TSHR: variants seen among roughly 807,000 people sequenced by gnomAD.
TSHR encodes the protein thyroid stimulating hormone receptor.
In TSHR, 51 loss-of-function variants were observed where a neutral mutation model predicts 64.1. The ratio of observed to expected loss-of-function variants is 0.80; its 90% CI spans 0.64 to 1.01. The LOEUF is 1.01. Among genes scored for constraint, TSHR ranks in the 50% least tolerant of loss-of-function variants. TSHR has a pLI of 0.00. For synonymous variants in TSHR, 361 were observed against 361.9 expected (o/e 1.00, Z 0.03); for missense variants, 877 against 942.8 (o/e 0.93, Z 0.91).
rs1224492402 is a variant in TSHR, at chr14:81,144,704, T to C, written c.*351T>C. The C allele has an allele frequency of 6.9e-6, 2 of 289,492 alleles. No individual in the cohort carries two copies. The highest frequency in any genetic ancestry group is 1.3e-5 in the Non-Finnish European group (2 of 153,686). 17.9% of individuals were successfully genotyped at this position (289,492 alleles called of 1,614,324 possible). The stretch of plus-strand genomic sequence containing the variant: ...CAATATAGAGCTTCTCAGTTTTGTA[T>C]AACATTTCATACTAAAGATTCAGCA... On this transcript the variant is annotated 3_prime_UTR_variant, in exon 10 of 10. Transcript: ENST00000298171.
intron 1 of TSHR, among the ~76,000 whole-genome samples, chr14:81,036,863 C>T (rs1216874635): frequency 3.3e-5 from 5 of 152,032 alleles, no homozygotes; most frequent in African/African-American, 9.7e-5. Flanking sequence ...GTGGGGGAGG[C>T]CAGGTGCAGT....
At chr14:81,127,603 C>A (rs1361391682) in intron 8 of TSHR, among the ~76,000 whole-genome samples, 1 of 152,078 alleles carries the variant, frequency 6.6e-6, no homozygotes, top group Admixed American at 6.5e-5. Context: ...GTGGGAGGGA[C>A]CCAGTGGGAG....
chr14:80,965,523 T>G (rs879320628), intron 1 of TSHR, among the ~76,000 whole-genome samples: 77 of 152,332 alleles, frequency 5.1e-4, no homozygotes, highest in African/African-American at 1.7e-3. Flanking sequence ...TTTTTTCAAG[T>G]TTCTAATGCC....
intron 7 of TSHR, among the ~76,000 whole-genome samples, chr14:81,101,869 TATTCTCATTA>T (rs1030969864): frequency 2.6e-4 from 39 of 152,220 alleles, no homozygotes; most frequent in African/African-American, 5.5e-4. Flanking sequence ...GAAAGGATTT[TATTCTCATTA>T]AAACTAAGCA....
chr14:81,000,604 CA>C (rs1889259839), intron 1 of TSHR, among the ~76,000 whole-genome samples: 1 of 152,134 alleles, frequency 6.6e-6, no homozygotes, highest in African/African-American at 2.4e-5. Context: ...GGGTCGCAGT[CA>C]GACTCCCATT....
intron 9 of TSHR, among the ~76,000 whole-genome samples, chr14:81,142,583 T>C (rs1891735502): frequency 6.7e-6 from 1 of 150,290 alleles, no homozygotes. Context: ...GTGGGAACCA[T>C]TCGTGGGTTT....
intron 6 of TSHR, among the ~76,000 whole-genome samples, chr14:81,092,949 G>A (rs1045943572): frequency 1.3e-5 from 2 of 152,156 alleles, no homozygotes; most frequent in African/African-American, 4.8e-5. Context: ...ATACACTAAT[G>A]AGCATGTCTG....
intron 3 of TSHR, among the ~76,000 whole-genome samples, chr14:81,082,754 TCTGACATCATCTAA>T (rs2139951223): frequency 1.3e-5 from 2 of 152,348 alleles, no homozygotes; most frequent in Non-Finnish European, 2.9e-5. Context: ...CAGCTTCTCT[TCTGACATCATCTAA>T]CTGAGTCTTC....
intron 8 of TSHR, among the ~76,000 whole-genome samples, chr14:81,122,444 T>G (rs1285492161): frequency 6.6e-6 from 1 of 150,584 alleles, no homozygotes; most frequent in Non-Finnish European, 1.5e-5. Context: ...GATGGACATC[T>G]TATGAAAAAA....
At chr14:80,975,700 A>G (rs976022038) in intron 1 of TSHR, among the ~76,000 whole-genome samples, 1 of 152,190 alleles carries the variant, frequency 6.6e-6, no homozygotes, top group African/African-American at 2.4e-5. Flanking sequence ...AATCCAAAGG[A>G]CATTTTAGAT....
Position 81,094,679 on chromosome 14 carries a change from A to ATTTTTTTTTTTTTTTTTTTTTTTTTTTT in TSHR, c.546-1936_546-1935insTTTTTTTTTTTTTTTTTTTTTTTTTTTT, listed in dbSNP as rs1162262371. ...CTCCTTTTATTTATTTATTTTTTTA[A>ATTTTTTTTTTTTTTTTTTTTTTTTTTTT]TTTTTTTTTTTTTTTTTTTTTTTTG... On this transcript the variant is annotated intron_variant, in intron 6 of 9. Coordinates refer to ENST00000298171, the MANE Select transcript of TSHR (RefSeq NM_000369.5). 1.4e-4 allele frequency among the ~76,000 whole-genome samples: 11 copies of ATTTTTTTTTTTTTTTTTTTTTTTTTTTT among 76,264 alleles called. 1 individual carries two copies. Among genetic ancestry groups the ATTTTTTTTTTTTTTTTTTTTTTTTTTTT allele is most frequent in the East Asian group, 1.0e-3 (2 of 1,988 alleles). 50.0% of individuals were successfully genotyped at this position (76,264 alleles called of 152,430 possible). A position where few individuals can be genotyped will look rare whatever the true frequency, so the allele number is the denominator to read the frequency against.
chr14:81,058,825 G>A (rs1222306631), intron 1 of TSHR, among the ~76,000 whole-genome samples: 2 of 152,020 alleles, frequency 1.3e-5, no homozygotes, highest in Non-Finnish European at 2.9e-5. Context: ...CATTCACTTG[G>A]TGTTTTTTCT....
At chr14:81,044,743 A>T (rs1483644412) in intron 1 of TSHR, among the ~76,000 whole-genome samples, 2 of 152,114 alleles carry the variant, frequency 1.3e-5, no homozygotes, top group Non-Finnish European at 2.9e-5. Context: ...AAAAAGTCAA[A>T]AAACAACAGA....
At chr14:81,131,049 G>T (rs1353253004) in intron 8 of TSHR, among the ~76,000 whole-genome samples, 7 of 150,454 alleles carry the variant, frequency 4.7e-5, no homozygotes, top group Non-Finnish European at 5.9e-5. Flanking sequence ...CCATCTGGAT[G>T]TCTAATAGGC....
intron 1 of TSHR, among the ~76,000 whole-genome samples, chr14:81,059,234 T>C (rs546371157): frequency 1.4e-4 from 21 of 152,296 alleles, no homozygotes; most frequent in East Asian, 1.3e-3. Flanking sequence ...GTTCTTTATT[T>C]GAAGGGAAAT....
At chr14:81,064,533 T>C (rs1306626161) in intron 2 of TSHR, among the ~76,000 whole-genome samples, 1 of 152,112 alleles carries the variant, frequency 6.6e-6, no homozygotes, top group Non-Finnish European at 1.5e-5. Context: ...CAATCACTGC[T>C]CTGAGAGCTG....
At chr14:81,099,432 G>A (rs1346236463) in intron 7 of TSHR, 3 of 152,132 alleles carry the variant, frequency 2.0e-5, no homozygotes, top group African/African-American at 7.2e-5. Context: ...TCCAACTCTG[G>A]CAAGTGCAGC....
intron 1 of TSHR, among the ~76,000 whole-genome samples, chr14:81,010,177 T>C (rs1889831299): frequency 6.6e-6 from 1 of 152,184 alleles, no homozygotes; most frequent in African/African-American, 2.4e-5. Context: ...TGCCTTATCT[T>C]TTTATTGCTT....
At chr14:80,977,405 C>T (rs1256548199) in intron 1 of TSHR, among the ~76,000 whole-genome samples, 1 of 152,188 alleles carries the variant, frequency 6.6e-6, no homozygotes, top group East Asian at 1.9e-4. Flanking sequence ...GTCTGCCTGA[C>T]ATTCTGACTT....
Sources: gnomAD v4.1 joint callset for allele counts (sites outside exome capture counted in the v4.1 genomes callset) on GRCh38, gnomAD v4.1.1 for gene constraint, MANE v1.5 for transcripts, NCBI Gene and HGNC (gene_info 2026-07-23, HGNC 2026-07-21) for gene names.